The following CDH13 variants were observed in gnomAD, a reference collection of about 807,000 sequenced individuals.
The protein encoded by CDH13 is cadherin 13.
Under a neutral mutation model 63.8 loss-of-function variants are expected in CDH13, and 24 were observed. The observed-to-expected ratio is 0.38, with a 90% CI of 0.27 to 0.53. The LOEUF (loss-of-function observed/expected upper bound fraction) is 0.53, where lower values mean the gene tolerates loss of function less well. Among genes scored for constraint, CDH13 ranks in the 20% least tolerant of loss-of-function variants. The pLI is 0.85. For synonymous variants in CDH13, 503 were observed against 355.3 expected (o/e 1.42, Z -4.67); for missense variants, 1,049 against 903.1 (o/e 1.16, Z -2.07).
intron 2 of CDH13, among the ~76,000 whole-genome samples, chr16:82,948,200 C>T (rs1313701402): frequency 2.0e-5 from 3 of 152,134 alleles, no homozygotes; most frequent in African/African-American, 7.2e-5. Context: ...GATAAGCCAA[C>T]ATTATGTATT....
intron 13 of CDH13, among the ~76,000 whole-genome samples, chr16:83,794,479 G>A (rs1362435539): frequency 1.3e-5 from 2 of 152,230 alleles, no homozygotes; most frequent in African/African-American, 4.8e-5. Flanking sequence ...CTTGAGCCCA[G>A]GAGGCAGGGG....
intron 8 of CDH13, among the ~76,000 whole-genome samples, chr16:83,664,515 G>T: frequency 6.7e-6 from 1 of 148,536 alleles, no homozygotes; most frequent in South Asian, 2.1e-4. Flanking sequence ...TATATAATTA[G>T]TTTTTATTTT....
At chr16:83,190,980 T>C (rs2038678986) in intron 4 of CDH13, among the ~76,000 whole-genome samples, 1 of 151,958 alleles carries the variant, frequency 6.6e-6, no homozygotes, top group Non-Finnish European at 1.5e-5. Flanking sequence ...AGGACAGGTT[T>C]GGGGTGGGAA....
intron 1 of CDH13, among the ~76,000 whole-genome samples, chr16:82,715,994 A>G (rs1435494410): frequency 6.6e-6 from 1 of 152,184 alleles, no homozygotes; most frequent in Non-Finnish European, 1.5e-5. Context: ...AAAACTCAGG[A>G]GTCAGCTTCC....
At chr16:83,351,967 A>T (rs11644083) in intron 6 of CDH13, among the ~76,000 whole-genome samples, 88,663 of 152,134 alleles carry the variant, frequency 0.58, 27,682 homozygotes, top group East Asian at 0.81. Context: ...TTTTGTAGAT[A>T]GTGGATGGCC....
intron 6 of CDH13, among the ~76,000 whole-genome samples, chr16:83,425,875 C>T (rs558741464): frequency 6.6e-6 from 1 of 152,020 alleles, no homozygotes; most frequent in Non-Finnish European, 1.5e-5. Flanking sequence ...TTAATATGTG[C>T]CCAGCACTGT....
chr16:82,954,444 T>G (rs1905752948), intron 2 of CDH13: 1 of 152,088 alleles, frequency 6.6e-6, no homozygotes, highest in Admixed American at 6.5e-5. Flanking sequence ...TGCACTTCCG[T>G]CCTACAAGAG....
At chr16:83,100,823 T>C (rs564956967) in intron 3 of CDH13, among the ~76,000 whole-genome samples, 1 of 152,296 alleles carries the variant, frequency 6.6e-6, no homozygotes, top group Non-Finnish European at 1.5e-5. Flanking sequence ...GAACACAGGG[T>C]AAATTTCAGC....
chr16:83,254,936 AT>A (rs773625629), intron 5 of CDH13, among the ~76,000 whole-genome samples: 1 of 118,972 alleles, frequency 8.4e-6, no homozygotes, highest in East Asian at 2.4e-4. Flanking sequence ...TCTTTCTTGG[AT>A]TTTTTCTTTT....
chr16:83,278,038 C>G lies in CDH13; in HGVS notation c.636+60541C>G, dbSNP rs556613896. On this transcript the variant is annotated intron_variant, in intron 5 of 13. Transcript: ENST00000567109. The stretch of plus-strand genomic sequence containing the variant: ...TCTATTGATAAAAGGTCTCATAGTT[C>G]CTATTCTCCAAGAAGGCCAAGGTGT... Among the ~76,000 whole-genome samples, 9 of 152,204 alleles carry G rather than the reference C, an allele frequency of 5.9e-5. No individual in the cohort carries two copies. The East Asian group carries it at 1.5e-3, about 26-fold the overall frequency.
intron 2 of CDH13, among the ~76,000 whole-genome samples, chr16:82,946,774 C>T (rs1413622537): frequency 6.6e-6 from 1 of 151,916 alleles, no homozygotes; most frequent in Non-Finnish European, 1.5e-5. Flanking sequence ...AATCTCAAGG[C>T]AACATATCTG....
intron 6 of CDH13, among the ~76,000 whole-genome samples, chr16:83,424,620 C>G (rs2071830034): frequency 6.6e-6 from 1 of 151,958 alleles, no homozygotes; most frequent in Non-Finnish European, 1.5e-5. Flanking sequence ...TAAGCCCCCT[C>G]AAAAATAAAA....
chr16:83,606,213 A>C (rs1197287253), intron 8 of CDH13, among the ~76,000 whole-genome samples: 1 of 152,232 alleles, frequency 6.6e-6, no homozygotes, highest in Admixed American at 6.5e-5. Flanking sequence ...TGTTGTCCTA[A>C]GTAAATTTTT....
chr16:82,977,492 A>T (rs950080275), intron 2 of CDH13, among the ~76,000 whole-genome samples: 10 of 152,130 alleles, frequency 6.6e-5, no homozygotes, highest in Admixed American at 1.3e-4. Context: ...ACGAGATGTG[A>T]TGGTTTTATA....
intron 5 of CDH13, among the ~76,000 whole-genome samples, chr16:83,241,455 A>C (rs998577513): frequency 2.6e-4 from 40 of 152,236 alleles, no homozygotes; most frequent in Admixed American, 2.6e-3. Context: ...CCAAGTGTAT[A>C]CAAGTGTGAC....
At chr16:83,234,045 G>A (rs2040077988) in intron 5 of CDH13, among the ~76,000 whole-genome samples, 1 of 152,154 alleles carries the variant, frequency 6.6e-6, no homozygotes, top group African/African-American at 2.4e-5. Context: ...AGTGTCCAAG[G>A]GGTTCCCCTC....
intron 2 of CDH13, among the ~76,000 whole-genome samples, chr16:83,016,071 C>A (rs945414879): frequency 6.6e-6 from 1 of 152,112 alleles, no homozygotes; most frequent in African/African-American, 2.4e-5. Flanking sequence ...TCTTGGCAGG[C>A]ATCCTTCATT....
At chr16:83,132,445 ACC>A (rs1187699429) in intron 4 of CDH13, among the ~76,000 whole-genome samples, 20 of 22,206 alleles carry the variant, frequency 9.0e-4, no homozygotes, top group African/African-American at 3.4e-3. Context: ...ACCCCCCAAC[ACC>A]CCCCCCTTTT....
At chr16:83,504,729 G>T (rs535070480) in intron 7 of CDH13, among the ~76,000 whole-genome samples, 9 of 152,168 alleles carry the variant, frequency 5.9e-5, no homozygotes, top group African/African-American at 2.2e-4. Context: ...AGCAACTGGT[G>T]TTAGGGCAGA....
Sources: allele counts gnomAD v4.1 joint callset (sites outside exome capture counted in the v4.1 genomes callset), GRCh38; gene constraint gnomAD v4.1.1; transcripts MANE v1.5; gene names NCBI Gene and HGNC (gene_info 2026-07-23, HGNC 2026-07-21).